The following EXOC4 variants were observed in gnomAD, a reference collection of about 807,000 sequenced individuals.
The protein encoded by EXOC4 is exocyst complex component 4.
EXOC4 carries 71 observed loss-of-function variants against 107.2 expected under a neutral mutation model. That is an observed-to-expected ratio of 0.66 (90% CI 0.55 to 0.81). The LOEUF is 0.81. Ranked by LOEUF, EXOC4 falls within the 30% of genes least tolerant of loss-of-function variation. The pLI, the probability that EXOC4 is intolerant of heterozygous loss-of-function variation, is 0.00. For synonymous variants in EXOC4, 456 were observed against 441.2 expected, an observed-to-expected ratio of 1.03 and a Z score of -0.42; for missense variants, 1,108 against 1,189.6, an observed-to-expected ratio of 0.93 and a Z score of 1.01.
intron 11 of EXOC4, among the ~76,000 whole-genome samples, chr7:133,839,666 C>G (rs1301735824): frequency 6.6e-6 from 1 of 152,160 alleles, no homozygotes; most frequent in Non-Finnish European, 1.5e-5. Context: ...TGTACCAAGA[C>G]CGGAATCCTG....
At chr7:133,509,921 A>G (rs965764999) in intron 9 of EXOC4, among the ~76,000 whole-genome samples, 1 of 152,104 alleles carries the variant, frequency 6.6e-6, no homozygotes, top group African/African-American at 2.4e-5. Flanking sequence ...TCTTCTTTTC[A>G]CCTAGTGAAA....
intron 9 of EXOC4, among the ~76,000 whole-genome samples, chr7:133,595,869 T>A (rs944570762): frequency 6.6e-6 from 1 of 152,214 alleles, no homozygotes; most frequent in Admixed American, 6.5e-5. Context: ...GATTCTAGTA[T>A]CTCCGCCTGT....
chr7:133,753,421 A>T (rs2151141049), intron 10 of EXOC4, among the ~76,000 whole-genome samples: 1 of 152,344 alleles, frequency 6.6e-6, no homozygotes, highest in Non-Finnish European at 1.5e-5. Flanking sequence ...GGACTATATT[A>T]ACAAACATTT....
intron 14 of EXOC4, among the ~76,000 whole-genome samples, chr7:133,980,516 A>T (rs1793955360): frequency 6.6e-6 from 1 of 152,258 alleles, no homozygotes; most frequent in Admixed American, 6.5e-5. Flanking sequence ...TAAGTGGTTG[A>T]ATCATAATGT....
intron 9 of EXOC4, among the ~76,000 whole-genome samples, chr7:133,485,232 C>T (rs1412277966): frequency 1.3e-5 from 2 of 151,992 alleles, no homozygotes; most frequent in African/African-American, 4.8e-5. Flanking sequence ...CTCCAGTCCA[C>T]TGAGTTAGCT....
chr7:133,459,437 A>G (rs947031018), intron 7 of EXOC4, among the ~76,000 whole-genome samples: 1 of 152,214 alleles, frequency 6.6e-6, no homozygotes, highest in Non-Finnish European at 1.5e-5. Flanking sequence ...TTTGAGAGTT[A>G]AAATTAAAAG....
intron 10 of EXOC4, among the ~76,000 whole-genome samples, chr7:133,669,499 A>T (rs1220876252): frequency 6.6e-6 from 1 of 152,262 alleles, no homozygotes; most frequent in Non-Finnish European, 1.5e-5. Flanking sequence ...GTGACAAATC[A>T]TGGAAAGTTT....
chr7:133,540,492 A>G (rs573729744), intron 9 of EXOC4, among the ~76,000 whole-genome samples: 1 of 152,360 alleles, frequency 6.6e-6, no homozygotes, highest in South Asian at 2.1e-4. Context: ...TAAGTTTTCC[A>G]TGCATGGGTT....
chr7:133,456,910 G>A (rs1373713912), intron 7 of EXOC4, among the ~76,000 whole-genome samples: 1 of 152,158 alleles, frequency 6.6e-6, no homozygotes, highest in Admixed American at 6.5e-5. Context: ...TTATTTGCAG[G>A]ATTATTTGTA....
intron 12 of EXOC4, among the ~76,000 whole-genome samples, chr7:133,899,745 CTTTTTTTTTT>C (rs35095963): frequency 2.3e-5 from 2 of 86,232 alleles, no homozygotes; most frequent in Admixed American, 2.6e-4. Context: ...CAGATGTACT[CTTTTTTTTTT>C]TTTTTTTTTT....
chr7:133,303,828 T>G (rs918142857), intron 3 of EXOC4, among the ~76,000 whole-genome samples: 2 of 152,238 alleles, frequency 1.3e-5, no homozygotes, highest in African/African-American at 2.4e-5. Context: ...GAACACTTAC[T>G]GAAATTGCTT....
chr7:133,693,273 A>G (rs1794459763), intron 10 of EXOC4, among the ~76,000 whole-genome samples: 1 of 152,178 alleles, frequency 6.6e-6, no homozygotes, highest in African/African-American at 2.4e-5. Context: ...AAAGCTGAAG[A>G]ACTTGGAATC....
intron 7 of EXOC4, among the ~76,000 whole-genome samples, chr7:133,384,279 A>G (rs1563045032): frequency 6.6e-6 from 1 of 152,182 alleles, no homozygotes; most frequent in East Asian, 1.9e-4. Flanking sequence ...TGTTCTCCTT[A>G]AATTTTCACA....
chr7:133,764,048 C>T (rs1050572772), intron 10 of EXOC4, among the ~76,000 whole-genome samples: 2 of 152,052 alleles, frequency 1.3e-5, no homozygotes, highest in African/African-American at 4.8e-5. Context: ...GTCCTTGTCT[C>T]TTTGTGAATG....
chr7:133,357,838 A>G (rs1796055338), intron 6 of EXOC4, among the ~76,000 whole-genome samples: 1 of 152,198 alleles, frequency 6.6e-6, no homozygotes, highest in Admixed American at 6.5e-5. Flanking sequence ...ATTCAAAAGT[A>G]CTATGTTTGG....
chr7:133,361,359 C>T (rs1282442094), intron 6 of EXOC4, among the ~76,000 whole-genome samples: 2 of 152,134 alleles, frequency 1.3e-5, no homozygotes, highest in Non-Finnish European at 2.9e-5. Context: ...TGGCTCACTG[C>T]AAGCTCCGCC....
chr7:133,521,702 C>G lies in EXOC4; in HGVS notation c.1417+41564C>G, dbSNP rs573845906. ...TGGTGCAGTCTTGGCTCACTGCAAC[C>G]TCTGCCTCCTGGGCTCAAGCAATTC... On this transcript the variant is annotated intron_variant, in intron 9 of 17. Transcript: ENST00000253861. 3.0e-4 allele frequency among the ~76,000 whole-genome samples: 46 copies of G among 152,174 alleles called. No individual in the cohort carries two copies. In the South Asian group the frequency reaches 9.1e-3, roughly 30 times the overall value.
At chr7:133,889,138 T>G (rs1799150658) in intron 11 of EXOC4, among the ~76,000 whole-genome samples, 1 of 152,178 alleles carries the variant, frequency 6.6e-6, no homozygotes, top group Non-Finnish European at 1.5e-5. Context: ...TTCTTTGTGC[T>G]GCCTGTCATA....
At chr7:133,484,076 AG>A in intron 9 of EXOC4, 1 of 1,613,978 alleles carries the variant, frequency 6.2e-7, no homozygotes, top group Non-Finnish European at 8.5e-7. Flanking sequence ...AGACAATCAA[AG>A]TAACATTAAA....
Sources: gnomAD v4.1 joint callset for allele counts (sites outside exome capture counted in the v4.1 genomes callset) on GRCh38, gnomAD v4.1.1 for gene constraint, MANE v1.5 for transcripts, NCBI Gene and HGNC (gene_info 2026-07-23, HGNC 2026-07-21) for gene names.